The following LRRIQ1 variants were observed in gnomAD, a reference collection of about 807,000 sequenced individuals.
The protein encoded by LRRIQ1 is leucine rich repeats and IQ motif containing 1, also known as leucine-rich repeat- and IQ domain-containing protein 1.
Under a neutral mutation model 211.9 loss-of-function variants are expected in LRRIQ1, and 210 were observed. That is an observed-to-expected ratio of 0.99 (90% CI 0.89 to 1.11). The LOEUF is 1.11. Among genes scored for constraint, LRRIQ1 ranks in the 50% most tolerant of loss-of-function variants. LRRIQ1 has a pLI of 0.00. For missense variants in LRRIQ1, 2,136 were observed against 1,939.5 expected (o/e 1.10, Z -1.90); for synonymous variants, 699 against 650.1 (o/e 1.08, Z -1.14).
At chr12:85,094,904 A>G (rs1490344262) in intron 11 of LRRIQ1, among the ~76,000 whole-genome samples, 2 of 151,928 alleles carry the variant, frequency 1.3e-5, no homozygotes, top group Non-Finnish European at 2.9e-5. Flanking sequence ...TGTATTCTTG[A>G]TAGGGCTCTC....
intron 1 of LRRIQ1, among the ~76,000 whole-genome samples, chr12:85,250,880 T>TATATATA (rs1895903481): frequency 2.0e-5 from 2 of 98,774 alleles, no homozygotes; most frequent in African/African-American, 8.2e-5. Context: ...TATATTATAT[T>TATATATA]ATATATAATA....
chr12:85,165,722 G>C (rs951938826), intron 24 of LRRIQ1, among the ~76,000 whole-genome samples: 11 of 151,988 alleles, frequency 7.2e-5, no homozygotes, highest in African/African-American at 2.7e-4. Flanking sequence ...ACCCGCCTTG[G>C]CCTCCCAAAG....
At chr12:85,048,979 C>G (rs757513122) in intron 6 of LRRIQ1, among the ~76,000 whole-genome samples, 25 of 152,148 alleles carry the variant, frequency 1.6e-4, no homozygotes, top group Non-Finnish European at 3.4e-4. Context: ...AGAGATCTAA[C>G]AGCAAATCCC....
intron 24 of LRRIQ1, among the ~76,000 whole-genome samples, chr12:85,182,991 G>A (rs1892057254): frequency 6.6e-6 from 1 of 152,160 alleles, no homozygotes. Context: ...AAAGACTGCA[G>A]GAGCCTTCCA....
chr12:85,098,698 C>G, intron 12 of LRRIQ1, 150 bp downstream of exon 12: 1 of 721,248 alleles, frequency 1.4e-6, no homozygotes, highest in Non-Finnish European at 2.1e-6. Context: ...AAATATTATA[C>G]AGTTAATTAA....
chr12:85,235,839 T>C (rs554550158), intron 26 of LRRIQ1, among the ~76,000 whole-genome samples: 4 of 152,278 alleles, frequency 2.6e-5, no homozygotes, highest in African/African-American at 9.6e-5. Flanking sequence ...AATCTCATCT[T>C]AAAATGTGTA....
intron 24 of LRRIQ1, among the ~76,000 whole-genome samples, chr12:85,200,356 A>G (rs1368646860): frequency 3.9e-5 from 6 of 152,158 alleles, no homozygotes; most frequent in African/African-American, 1.2e-4. Flanking sequence ...TATCAGATCA[A>G]GGAGCTTTTG....
chr12:85,214,437 ACAC>A (rs1339058479), intron 24 of LRRIQ1, among the ~76,000 whole-genome samples: 1 of 152,152 alleles, frequency 6.6e-6, no homozygotes, highest in Non-Finnish European at 1.5e-5. Context: ...ACCATATCAA[ACAC>A]CACAACTTAT....
At chr12:85,143,070 C>T in intron 19 of LRRIQ1, among the ~76,000 whole-genome samples, 1 of 151,544 alleles carries the variant, frequency 6.6e-6, no homozygotes, top group Non-Finnish European at 1.5e-5. Flanking sequence ...TTTACTTTTC[C>T]ACTAACAGTG....
the LRRIQ1 span, among the ~76,000 whole-genome samples, chr12:85,270,459 G>C: frequency 6.6e-6 from 1 of 151,940 alleles, no homozygotes; most frequent in Non-Finnish European, 1.5e-5. Context: ...CACACCCCAG[G>C]ACCTAGCAAC....
chr12:85,038,365 A>T, intron 2 of LRRIQ1, 57 bp downstream of exon 2: 1 of 1,324,294 alleles, frequency 7.6e-7, no homozygotes, highest in Non-Finnish European at 9.9e-7. Flanking sequence ...GAGAAATATT[A>T]CTTTTCTCAG....
intron 8 of LRRIQ1, among the ~76,000 whole-genome samples, chr12:85,060,701 C>A (rs1488434920): frequency 6.6e-6 from 1 of 151,458 alleles, no homozygotes; most frequent in Admixed American, 6.6e-5. Context: ...TTTTTCCCTG[C>A]CAAATAGATT....
intron 15 of LRRIQ1, among the ~76,000 whole-genome samples, chr12:85,113,907 TTGTG>T (rs71076112): frequency 0.032 from 4,506 of 140,882 alleles, 86 homozygotes; most frequent in Non-Finnish European, 0.047. Flanking sequence ...CAAATGAGTT[TTGTG>T]TGTGTGTGTG....
chr12:85,226,647 A>G (rs1044684872), intron 24 of LRRIQ1, among the ~76,000 whole-genome samples: 3 of 147,480 alleles, frequency 2.0e-5, no homozygotes, highest in Admixed American at 6.8e-5. Flanking sequence ...CGTCATTTAC[A>G]TTAGGTATAT....
chr12:85,073,640 C>T (rs1006737431), intron 11 of LRRIQ1, among the ~76,000 whole-genome samples: 2 of 151,968 alleles, frequency 1.3e-5, no homozygotes, highest in African/African-American at 4.8e-5. Flanking sequence ...GTGAAAACTG[C>T]CATAGTATTA....
chr12:85,256,252 C>T (rs575767599), intron 1 of LRRIQ1, among the ~76,000 whole-genome samples: 13 of 151,660 alleles, frequency 8.6e-5, no homozygotes, highest in Middle Eastern at 3.4e-3. Context: ...CATTTTTTGA[C>T]GACAGGATTC....
intron 24 of LRRIQ1, among the ~76,000 whole-genome samples, chr12:85,196,678 G>A (rs1254191939): frequency 5.3e-5 from 8 of 151,936 alleles, no homozygotes; most frequent in African/African-American, 7.3e-5. Context: ...AAATCAATTC[G>A]AGATGGATTA....
At chr12:85,202,929 C>T (rs1029935836) in intron 24 of LRRIQ1, among the ~76,000 whole-genome samples, 1 of 152,134 alleles carries the variant, frequency 6.6e-6, no homozygotes, top group African/African-American at 2.4e-5. Flanking sequence ...ATGGTTTTTC[C>T]TTTCCATGTT....
At chr12:85,152,950 C>A in intron 20 of LRRIQ1, 74 bp from the exon 21 acceptor site, 1 of 1,031,602 alleles carries the variant, frequency 9.7e-7, no homozygotes, top group Non-Finnish European at 1.4e-6. Context: ...TGGTAATATG[C>A]ATGTAAAATA....
Sources: gnomAD v4.1 joint callset for allele counts (sites outside exome capture counted in the v4.1 genomes callset) on GRCh38, gnomAD v4.1.1 for gene constraint, MANE v1.5 for transcripts, NCBI Gene and HGNC (gene_info 2026-07-23, HGNC 2026-07-21) for gene names.